The following SDCBP2 variants were observed in gnomAD, a reference collection of about 807,000 sequenced individuals.
SDCBP2 encodes syndecan binding protein 2.
In SDCBP2, 28 loss-of-function variants were observed where a neutral mutation model predicts 30.7. That is an observed-to-expected ratio of 0.91 (90% CI 0.68 to 1.25). SDCBP2 has a LOEUF of 1.25. Ranked by LOEUF, SDCBP2 falls within the 50% of genes most tolerant of loss-of-function variation. The pLI, the probability that SDCBP2 is intolerant of heterozygous loss-of-function variation, is 0.00. For synonymous variants in SDCBP2, 166 were observed against 157.3 expected, an observed-to-expected ratio of 1.06 and a Z score of -0.41; for missense variants, 399 against 379.0, an observed-to-expected ratio of 1.05 and a Z score of -0.44.
At chr20:1,318,210 G>T in intron 4 of SDCBP2, 108 bp downstream of exon 4, 1 of 790,180 alleles carries the variant, frequency 1.3e-6, no homozygotes. Flanking sequence ...CTGGGGAGAG[G>T]GGAGGTCCGA....
chr20:1,328,426 C>T (rs891522576), intron 1 of SDCBP2, among the ~76,000 whole-genome samples: 1 of 152,078 alleles, frequency 6.6e-6, no homozygotes, highest in African/African-American at 2.4e-5. Context: ...TTGTCATGAG[C>T]TTGGGCCACT....
intron 4 of SDCBP2, among the ~76,000 whole-genome samples, chr20:1,315,985 C>G (rs2088771113): frequency 6.6e-6 from 1 of 152,158 alleles, no homozygotes. Flanking sequence ...CACCTGTGGT[C>G]CCAGCTACTC....
At chr20:1,314,942 C>T (rs899357194) in intron 4 of SDCBP2, among the ~76,000 whole-genome samples, 2 of 152,174 alleles carry the variant, frequency 1.3e-5, no homozygotes, top group Non-Finnish European at 2.9e-5. Flanking sequence ...AATTGATATA[C>T]AGATATAACA....
At chr20:1,326,691 G>A (rs2088932610) in intron 1 of SDCBP2, among the ~76,000 whole-genome samples, 1 of 152,188 alleles carries the variant, frequency 6.6e-6, no homozygotes, top group South Asian at 2.1e-4. Context: ...ACAAGTGTTT[G>A]TTAATCACCT....
At chr20:1,311,294 C>T (rs1308000985) in intron 7 of SDCBP2, among the ~76,000 whole-genome samples, 1 of 152,194 alleles carries the variant, frequency 6.6e-6, no homozygotes, top group Non-Finnish European at 1.5e-5. Flanking sequence ...GCCTCCCCAT[C>T]CTGTGGGAGG....
At chr20:1,327,516 T>C (rs1482896738) in intron 1 of SDCBP2, among the ~76,000 whole-genome samples, 8 of 152,204 alleles carry the variant, frequency 5.3e-5, no homozygotes, top group Admixed American at 3.3e-4. Context: ...CACCAGCATG[T>C]ACCCCCACTC....
At position 1,320,268 on chromosome 20, in the gene SDCBP2, G is replaced by A. The variant is rs1415119288; in HGVS notation, c.54+95C>T. The A allele has an allele frequency of 2.6e-5, 30 of 1,137,052 alleles. No individual in the cohort carries two copies. The highest frequency in any genetic ancestry group is 4.0e-5 in the Admixed American group (2 of 49,938). 70.4% of individuals were successfully genotyped at this position (1,137,052 alleles called of 1,614,324 possible). ...GACACCTACATGCCCTGAGGCCTAC[G>A]GGAATCTCCAAGTGGCCCCAGTACC... On this transcript the variant is annotated intron_variant, in intron 2 of 8. Coordinates refer to ENST00000360779, the MANE Select transcript of SDCBP2 (RefSeq NM_080489.5). The surrounding 1 kb of genome is among the most constrained non-coding windows in gnomAD (Gnocchi z 4.7).
chr20:1,326,285 C>T (rs1375605797), intron 1 of SDCBP2, among the ~76,000 whole-genome samples: 2 of 152,208 alleles, frequency 1.3e-5, no homozygotes, highest in Non-Finnish European at 2.9e-5. Flanking sequence ...CTGAATCCAC[C>T]CATGGGCTAT....
In SDCBP2 at chr20:1,313,410, C is replaced by A; in HGVS notation, c.314G>T (p.Gly105Val). ...LGVRRAEIKP[G>V]VREIHLCKDE... ...CTTGCACAGGTGGATCTCGCGCACC[C>A]CGGGCTTGATCTCAGCTCGCCGCAC... The change falls in exon 5 of 9, where the codon GGG becomes GTG. Residue 105 changes from glycine to valine, a missense_variant. Physicochemically the swap from Gly to Val is moderately radical, Grantham distance 109. Coordinates refer to ENST00000360779, the MANE Select transcript of SDCBP2 (RefSeq NM_080489.5). This position sits in a 1 kb window ranked among gnomAD's most constrained non-coding sequence, Gnocchi z 5.2. 6.2e-7 allele frequency: 1 copy of A among 1,608,284 alleles called. No individual in the cohort carries two copies. The highest frequency in any genetic ancestry group is 2.2e-5 in the East Asian group (1 of 44,666).
chr20:1,310,554 CCT>C, intron 8 of SDCBP2, 59 bp from the exon 9 acceptor site: 1 of 1,520,786 alleles, frequency 6.6e-7, no homozygotes, highest in Non-Finnish European at 9.0e-7. Context: ...CCTCCAGCAA[CCT>C]CCACCCCCTT....
intron 4 of SDCBP2, among the ~76,000 whole-genome samples, chr20:1,317,387 AT>A (rs1411096659): frequency 6.6e-6 from 1 of 152,254 alleles, no homozygotes; most frequent in Non-Finnish European, 1.5e-5. Flanking sequence ...GACATACAAA[AT>A]TTTAAATTAT....
chr20:1,326,872 AAGC>A (rs2088935100), intron 1 of SDCBP2, among the ~76,000 whole-genome samples: 1 of 152,234 alleles, frequency 6.6e-6, no homozygotes, highest in African/African-American at 2.4e-5. Flanking sequence ...AGGAGTGGAA[AAGC>A]AGGCACAGAG....
intron 3 of SDCBP2, 41 bp from the exon 4 acceptor site, chr20:1,318,459 A>G: frequency 7.6e-7 from 1 of 1,321,936 alleles, no homozygotes; most frequent in South Asian, 1.3e-5. Context: ...TCATTAGAGG[A>G]CATGTGCTTC....
chr20:1,319,503 C>T (rs2088824247), intron 3 of SDCBP2, 87 bp downstream of exon 3: 1 of 1,366,372 alleles, frequency 7.3e-7, no homozygotes, highest in East Asian at 2.5e-5. Flanking sequence ...TGGAGCCTCC[C>T]ATACCTTTGG....
intron 3 of SDCBP2, chr20:1,319,383 G>A: frequency 3.4e-6 from 2 of 581,580 alleles, no homozygotes; most frequent in Non-Finnish European, 6.2e-6. Flanking sequence ...AACAGCATGG[G>A]CACAGGCTCT....
At chr20:1,328,499 T>G (rs1418870294) in intron 1 of SDCBP2, among the ~76,000 whole-genome samples, 1 of 152,168 alleles carries the variant, frequency 6.6e-6, no homozygotes, top group Non-Finnish European at 1.5e-5. Flanking sequence ...CTGCCCCATT[T>G]TCTGAGACCC....
At chr20:1,319,810 C>T (rs2088828894) in intron 2 of SDCBP2, 151 bp from the exon 3 acceptor site, 1 of 624,134 alleles carries the variant, frequency 1.6e-6, no homozygotes. Flanking sequence ...GGCTCAAGAT[C>T]ACGTAAACGT....
rs61735059 is a variant in SDCBP2 at position 1,318,370 on chromosome 20, A to T, written c.173T>A (p.Leu58His). The change falls in exon 4 of 9, where the codon CTC (leucine) becomes CAC (histidine). Residue 58 changes from leucine (L) to histidine (H), a missense_variant. Transcript: ENST00000360779. Reference sequence around the variant, plus strand: ...GCTCTCCTGGACTTCTTGGCTGGAGAGGGAAAGACCCATATAATTTTCCAG... The same window carrying T: ...GCTCTCCTGGACTTCTTGGCTGGAGTGGGAAAGACCCATATAATTTTCCAG... ...AELENYMGLS[L>H]SSQEVQESLL... 1,027 of 1,613,118 alleles carry T rather than the reference A, an allele frequency of 6.4e-4. 10 individuals are homozygous for T. In the African/African-American group the frequency reaches 0.011, roughly 18 times the overall value.
Position 1,310,228 on chromosome 20 carries a change from G to A in SDCBP2, c.*213C>T, listed in dbSNP as rs574076362. 2.2e-4 allele frequency: 109 copies of A among 490,608 alleles called. No individual in the cohort carries two copies. In the South Asian group the frequency reaches 3.3e-3, roughly 15 times the overall value. The allele number at this position is 490,608 out of a possible 1,614,324, so 30.4% of individuals were successfully genotyped here. A position where few individuals can be genotyped will look rare whatever the true frequency, so the allele number is the denominator to read the frequency against. ...AGCACAAGAGAATCGGCTGCCTGTG[G>A]GCCCTGCCTGAGCCTCAGCCTAGCT... On this transcript the variant is annotated 3_prime_UTR_variant, in exon 9 of 9. Transcript: ENST00000360779.
Sources: allele counts gnomAD v4.1 joint callset (sites outside exome capture counted in the v4.1 genomes callset), GRCh38; gene constraint gnomAD v4.1.1; non-coding constraint Gnocchi (gnomAD v3.1); transcripts MANE v1.5; gene names NCBI Gene and HGNC (gene_info 2026-07-23, HGNC 2026-07-21).